Variants in WWOX observed in about 807,000 individuals in gnomAD.
The protein encoded by WWOX is WW domain-containing oxidoreductase.
In WWOX, 69 loss-of-function variants were observed where a neutral mutation model predicts 46.2. That is an observed-to-expected ratio of 1.49 (90% CI 1.23 to 1.82). The LOEUF is 1.82. WWOX is among the 40% of genes most tolerant of loss of function. The pLI, the probability that WWOX is intolerant of heterozygous loss-of-function variation, is 0.00. For synonymous variants in WWOX, 359 were observed against 202.6 expected, an observed-to-expected ratio of 1.77 and a Z score of -6.56; for missense variants, 919 against 542.6, an observed-to-expected ratio of 1.69 and a Z score of -6.89.
intron 8 of WWOX, among the ~76,000 whole-genome samples, chr16:79,034,521 C>G (rs908038571): frequency 2.1e-4 from 32 of 152,212 alleles, no homozygotes; most frequent in African/African-American, 6.5e-4. Flanking sequence ...ATTTTGCCCC[C>G]TCACCGAATG....
At chr16:78,600,862 T>G (rs905544626) in intron 8 of WWOX, among the ~76,000 whole-genome samples, 1 of 152,058 alleles carries the variant, frequency 6.6e-6, no homozygotes, top group Non-Finnish European at 1.5e-5. Flanking sequence ...ACGCCTAGAA[T>G]CCTCTGCCTA....
intron 6 of WWOX, among the ~76,000 whole-genome samples, chr16:78,409,738 G>A (rs1379327564): frequency 6.6e-6 from 1 of 152,118 alleles, no homozygotes; most frequent in Non-Finnish European, 1.5e-5. Context: ...CTGCTTTCTA[G>A]AGACTCCAGG....
intron 8 of WWOX, among the ~76,000 whole-genome samples, chr16:78,578,285 T>TATATATATATATATATA (rs10638175): frequency 1.9e-3 from 24 of 12,932 alleles, no homozygotes; most frequent in Non-Finnish European, 3.2e-3. Flanking sequence ...TATATATATA[T>TATATATATATATATATA]TTTTTTTTTT....
chr16:78,494,107 C>T (rs1487693066), intron 8 of WWOX, among the ~76,000 whole-genome samples: 1 of 152,088 alleles, frequency 6.6e-6, no homozygotes, highest in African/African-American at 2.4e-5. Context: ...GAAGGGGAAG[C>T]AGGTAATGTC....
chr16:79,123,270 A>C (rs2049677668), intron 8 of WWOX, among the ~76,000 whole-genome samples: 1 of 152,172 alleles, frequency 6.6e-6, no homozygotes, highest in Non-Finnish European at 1.5e-5. Context: ...AGGAGAGCTG[A>C]GCATAAGGAT....
intron 8 of WWOX, among the ~76,000 whole-genome samples, chr16:78,664,590 A>T (rs1372687977): frequency 6.6e-6 from 1 of 152,168 alleles, no homozygotes; most frequent in Non-Finnish European, 1.5e-5. Context: ...GCAGTGTCAA[A>T]ACTCTGTGTC....
chr16:78,320,972 T>A (rs571455266), intron 5 of WWOX, among the ~76,000 whole-genome samples: 4 of 152,090 alleles, frequency 2.6e-5, no homozygotes, highest in Non-Finnish European at 4.4e-5. Context: ...ACAATTAGAG[T>A]CTGCATTGTT....
At chr16:78,764,997 G>C (rs144008801) in intron 8 of WWOX, among the ~76,000 whole-genome samples, 140 of 152,304 alleles carry the variant, frequency 9.2e-4, no homozygotes, top group African/African-American at 3.1e-3. Context: ...ATATGGTTGA[G>C]GGATGCAGGA....
At chr16:79,109,816 C>T (rs1160892483) in intron 8 of WWOX, among the ~76,000 whole-genome samples, 1 of 152,074 alleles carries the variant, frequency 6.6e-6, no homozygotes, top group Non-Finnish European at 1.5e-5. Flanking sequence ...AAGGCAGGCT[C>T]GATGATACCT....
intron 8 of WWOX, among the ~76,000 whole-genome samples, chr16:78,784,029 AATGATGATG>A (rs2050395854): frequency 6.6e-6 from 1 of 151,940 alleles, no homozygotes; most frequent in Non-Finnish European, 1.5e-5. Context: ...TGTTGATGAT[AATGATGATG>A]ATAGTGATGA....
chr16:78,449,195 G>T (rs575733373), intron 8 of WWOX, among the ~76,000 whole-genome samples: 2 of 152,156 alleles, frequency 1.3e-5, no homozygotes, highest in African/African-American at 4.8e-5. Flanking sequence ...TCCTTGCCAC[G>T]TAGGGATCTC....
intron 8 of WWOX, among the ~76,000 whole-genome samples, chr16:78,749,395 A>C (rs1389775734): frequency 6.6e-6 from 1 of 152,242 alleles, no homozygotes; most frequent in Non-Finnish European, 1.5e-5. Context: ...TTTGCATTAA[A>C]ATTACCATTT....
At chr16:78,696,538 C>A (rs1243705874) in intron 8 of WWOX, among the ~76,000 whole-genome samples, 1 of 152,166 alleles carries the variant, frequency 6.6e-6, no homozygotes. Context: ...TAGGCCACAG[C>A]AGCGAGCTGC....
chr16:79,057,778 C>G (rs560854117), intron 8 of WWOX, among the ~76,000 whole-genome samples: 3 of 152,234 alleles, frequency 2.0e-5, no homozygotes, highest in Non-Finnish European at 2.9e-5. Flanking sequence ...GACCCGGACT[C>G]GAATCCCAGC....
intron 4 of WWOX, among the ~76,000 whole-genome samples, chr16:78,150,210 C>G (rs1567599974): frequency 6.6e-6 from 1 of 152,134 alleles, no homozygotes; most frequent in Non-Finnish European, 1.5e-5. Context: ...TTATGTTTAC[C>G]TGTTTATGAT....
At chr16:78,750,186 C>T (rs1222710265) in intron 8 of WWOX, among the ~76,000 whole-genome samples, 1 of 152,212 alleles carries the variant, frequency 6.6e-6, no homozygotes, top group African/African-American at 2.4e-5. Flanking sequence ...AGTTCAGCTG[C>T]TGCCTTATTC....
At chr16:79,200,100 C>A (rs1212669385) in intron 8 of WWOX, among the ~76,000 whole-genome samples, 5 of 152,156 alleles carry the variant, frequency 3.3e-5, no homozygotes, top group Non-Finnish European at 7.3e-5. Context: ...GCACGAAGAG[C>A]AATTTGCAGA....
intron 8 of WWOX, among the ~76,000 whole-genome samples, chr16:78,804,366 C>T (rs1004967353): frequency 6.7e-6 from 1 of 149,530 alleles, no homozygotes; most frequent in African/African-American, 2.5e-5. Context: ...TGCTCGGCAG[C>T]GAACAAAATT....
At chr16:79,146,444 C>T (rs1029747018) in intron 8 of WWOX, among the ~76,000 whole-genome samples, 7 of 152,150 alleles carry the variant, frequency 4.6e-5, no homozygotes, top group Admixed American at 1.3e-4. Flanking sequence ...AGGTCTGTGG[C>T]TGACCTGGGC....
Sources: allele counts gnomAD v4.1 joint callset (sites outside exome capture counted in the v4.1 genomes callset), GRCh38; gene constraint gnomAD v4.1.1; transcripts MANE v1.5; gene names NCBI Gene and HGNC (gene_info 2026-07-23, HGNC 2026-07-21).